RYR3: variants seen among roughly 807,000 people sequenced by gnomAD.
RYR3 encodes the protein brain ryanodine receptor-calcium release channel.
A neutral mutation model predicts 584.3 loss-of-function variants in RYR3; 207 were observed. The ratio of observed to expected loss-of-function variants is 0.35; its 90% CI spans 0.32 to 0.40. The LOEUF is 0.40. Among genes scored for constraint, RYR3 ranks in the 10% least tolerant of loss-of-function variants. RYR3 has a pLI of 1.00. For missense variants in RYR3, 5,616 were observed against 6,089.2 expected, an observed-to-expected ratio of 0.92 and a Z score of 2.59; for synonymous variants, 2,416 against 2,248.5, an observed-to-expected ratio of 1.07 and a Z score of -2.11.
intron 103 of RYR3, 64 bp from the exon 104 acceptor site, chr15:33,865,067 A>ACAAACTGGGTTTTAGCTTT: frequency 7.5e-7 from 1 of 1,338,438 alleles, no homozygotes; most frequent in South Asian, 1.2e-5. Context: ...AAGAACAAAA[A>ACAAACTGGGTTTTAGCTTT]CAAACTGGGT....
chr15:33,854,858 G>A lies in RYR3; in HGVS notation c.13953G>A (p.Met4651Ile). The change falls in exon 98 of 104, where the codon ATG becomes ATA. Residue 4651 changes from methionine (M) to isoleucine (I), a missense_variant. By Grantham distance (10) the Met-to-Ile change is conservative. Around this residue, in one of 9 missense-constraint regions of RYR3, gnomAD observed 918 missense variants for 887.4 expected, o/e 1.03. Transcript: ENST00000634891. ...FFAAHLLDIAMGFKTLRTILS... is the reference protein window; with the variant it reads ...FFAAHLLDIAIGFKTLRTILS... ...CTGCTCACCTATTGGACATCGCAAT[G>A]GGCTTCAAGACACTGAGGACCATTC... 1 of 1,613,756 alleles carries A rather than the reference G, an allele frequency of 6.2e-7. No individual in the cohort carries two copies. The highest frequency in any genetic ancestry group is 8.5e-7 in the Non-Finnish European group (1 of 1,179,816).
At chr15:33,768,270 A>G (rs924616598) in intron 60 of RYR3, among the ~76,000 whole-genome samples, 2 of 152,234 alleles carry the variant, frequency 1.3e-5, no homozygotes, top group African/African-American at 2.4e-5. Flanking sequence ...TTTGCAATCC[A>G]TTGCAACAAG....
In RYR3 at chr15:33,584,247, AG is replaced by A. The variant is rs1358835798; in HGVS notation, c.1574-147del. On this transcript the variant is annotated intron_variant, in intron 14 of 103. Coordinates refer to ENST00000634891, the MANE Select transcript of RYR3 (RefSeq NM_001036.6). ...CACTTAAAAAAAGAAAAAAAAAGAAAGAATTGTGTCAAAGGGCTAGATAGGG... is the reference window on the plus strand; with the variant it reads ...CACTTAAAAAAAGAAAAAAAAAGAAAAATTGTGTCAAAGGGCTAGATAGGG... 7.3e-6 allele frequency: 4 copies of A among 544,556 alleles called. No individual in the cohort carries two copies. The South Asian group carries it at 7.5e-5, about 10-fold the overall frequency. The allele number at this position is 544,556 out of a possible 1,614,324, so 33.7% of individuals were successfully genotyped here. A position where few individuals can be genotyped will look rare whatever the true frequency, so the allele number is the denominator to read the frequency against.
intron 3 of RYR3, among the ~76,000 whole-genome samples, chr15:33,514,262 C>T (rs964535213): frequency 6.6e-6 from 1 of 152,186 alleles, no homozygotes; most frequent in African/African-American, 2.4e-5. Flanking sequence ...ATAAGAATCA[C>T]CTGGTGCCAT....
intron 19 of RYR3, among the ~76,000 whole-genome samples, chr15:33,620,478 G>A (rs529524000): frequency 3.9e-5 from 6 of 152,232 alleles, no homozygotes; most frequent in South Asian, 2.1e-4. Flanking sequence ...CTTCACTTTA[G>A]GATGTGAAAA....
At chr15:33,443,195 G>T (rs1004372281) in intron 1 of RYR3, among the ~76,000 whole-genome samples, 1 of 151,752 alleles carries the variant, frequency 6.6e-6, no homozygotes, top group African/African-American at 2.4e-5. Context: ...GGAGGAGGAG[G>T]TTGCAGTGAG....
At chr15:33,338,537 TCAATTTCC>T (rs1422415782) in intron 1 of RYR3, among the ~76,000 whole-genome samples, 7 of 152,298 alleles carry the variant, frequency 4.6e-5, no homozygotes, top group African/African-American at 1.7e-4. Flanking sequence ...AGACAAGTTA[TCAATTTCC>T]ATTGCCGTGG....
intron 3 of RYR3, among the ~76,000 whole-genome samples, chr15:33,504,291 A>C (rs2052268116): frequency 6.6e-6 from 1 of 152,248 alleles, no homozygotes. Context: ...GACAAGCTCC[A>C]TATTGCCTAT....
chr15:33,321,474 T>C (rs980025529), intron 1 of RYR3, among the ~76,000 whole-genome samples: 2 of 152,208 alleles, frequency 1.3e-5, no homozygotes, highest in Non-Finnish European at 2.9e-5. Flanking sequence ...ATCATATTGG[T>C]TATTTAACCC....
intron 1 of RYR3, among the ~76,000 whole-genome samples, chr15:33,409,381 C>T (rs928974984): frequency 1.3e-5 from 2 of 151,296 alleles, no homozygotes; most frequent in African/African-American, 4.9e-5. Flanking sequence ...CCTTCTTGTT[C>T]CCAGAGACAC....
At chr15:33,863,885 G>C (rs902873660) in intron 102 of RYR3, among the ~76,000 whole-genome samples, 2 of 152,160 alleles carry the variant, frequency 1.3e-5, no homozygotes, top group African/African-American at 2.4e-5. Flanking sequence ...TACCTTGCAA[G>C]TGATCTTACT....
At chr15:33,776,413 G>GA (rs1421264849) in intron 64 of RYR3, among the ~76,000 whole-genome samples, 1 of 152,252 alleles carries the variant, frequency 6.6e-6, no homozygotes, top group Non-Finnish European at 1.5e-5. Flanking sequence ...AAGAGCATTT[G>GA]ATGGGGGTTA....
At chr15:33,331,003 C>T (rs1970312657) in intron 1 of RYR3, among the ~76,000 whole-genome samples, 1 of 152,140 alleles carries the variant, frequency 6.6e-6, no homozygotes, top group Non-Finnish European at 1.5e-5. Context: ...CTGCTTTCCC[C>T]AGGAGCAGTG....
chr15:33,345,874 G>T (rs1972402569), intron 1 of RYR3, among the ~76,000 whole-genome samples: 1 of 152,132 alleles, frequency 6.6e-6, no homozygotes, highest in South Asian at 2.1e-4. Flanking sequence ...ACCCAGTAAA[G>T]CGGTTTGGCA....
chr15:33,695,967 T>G (rs1053190775), intron 38 of RYR3, among the ~76,000 whole-genome samples: 17 of 113,594 alleles, frequency 1.5e-4, no homozygotes, highest in African/African-American at 4.8e-4. Flanking sequence ...TTTTTTTTTT[T>G]TTTTTTTGGT....
chr15:33,792,029 C>A (rs1440018290), intron 67 of RYR3, among the ~76,000 whole-genome samples: 1 of 152,044 alleles, frequency 6.6e-6, no homozygotes, highest in Admixed American at 6.6e-5. Flanking sequence ...AAGCAAGAAC[C>A]CTTAGAGAAG....
intron 60 of RYR3, among the ~76,000 whole-genome samples, chr15:33,763,704 C>T (rs750526109): frequency 4.6e-5 from 7 of 151,792 alleles, no homozygotes; most frequent in Non-Finnish European, 1.0e-4. Flanking sequence ...CCAGCCTGGC[C>T]AACATGGTGA....
At chr15:33,500,445 A>G (rs930765901) in intron 2 of RYR3, among the ~76,000 whole-genome samples, 1 of 152,136 alleles carries the variant, frequency 6.6e-6, no homozygotes, top group Non-Finnish European at 1.5e-5. Context: ...AGCATGGAGG[A>G]TATATAGACC....
chr15:33,828,796 C>T (rs766891736), intron 85 of RYR3, among the ~76,000 whole-genome samples: 1 of 152,202 alleles, frequency 6.6e-6, no homozygotes, highest in East Asian at 1.9e-4. Flanking sequence ...GAAGCTGCAG[C>T]AAGTTACCCA....
Sources: gnomAD v4.1 joint callset for allele counts (sites outside exome capture counted in the v4.1 genomes callset) on GRCh38, gnomAD v4.1.1 for gene constraint, gnomAD v4.1.1 regional missense constraint, MANE v1.5 for transcripts, NCBI Gene and HGNC (gene_info 2026-07-23, HGNC 2026-07-21) for gene names.